TAS2R1: variants seen among roughly 807,000 people sequenced by gnomAD.
TAS2R1 encodes taste receptor type 2 member 1.
For synonymous variants in TAS2R1, 141 were observed against 134.2 expected (o/e 1.05, Z -0.35); for missense variants, 370 against 353.4 (o/e 1.05, Z -0.38).
At chr5:9,717,130 T>C (rs138719189), upstream of TAS2R1, among the ~76,000 whole-genome samples, 1,035 of 152,136 alleles carry the variant, frequency 6.8e-3, 10 homozygotes, top group African/African-American at 0.023. Flanking sequence ...AAACTCACCC[T>C]AGAAAGAGGA....
At chr5:9,819,363 C>T in the TAS2R1 span, among the ~76,000 whole-genome samples, 7 of 152,170 alleles carry the variant, frequency 4.6e-5, no homozygotes, top group Admixed American at 1.3e-4. Context: ...CCATTACATG[C>T]GAGCTTAATT....
chr5:9,751,948 G>A, the TAS2R1 span, among the ~76,000 whole-genome samples: 3 of 152,234 alleles, frequency 2.0e-5, no homozygotes, highest in East Asian at 5.8e-4. Flanking sequence ...TAAATACTTG[G>A]TAGCACAATA....
At chr5:9,882,533 C>T in the TAS2R1 span, among the ~76,000 whole-genome samples, 4 of 152,068 alleles carry the variant, frequency 2.6e-5, no homozygotes, top group Non-Finnish European at 5.9e-5. Flanking sequence ...ACCTGAGGCA[C>T]GAGAATTGCT....
the TAS2R1 span, among the ~76,000 whole-genome samples, chr5:9,860,600 G>T: frequency 6.6e-6 from 1 of 152,252 alleles, no homozygotes; most frequent in Admixed American, 6.5e-5. Context: ...GATGTGTGGG[G>T]AAAGAGAGCA....
chr5:9,673,653 A>C (rs917077079), intron 1 of TAS2R1, among the ~76,000 whole-genome samples: 5 of 152,076 alleles, frequency 3.3e-5, no homozygotes, highest in East Asian at 1.9e-4. Flanking sequence ...GAAAAAAAAA[A>C]CAGAATTTAT....
chr5:9,675,382 C>A (rs1740852731), intron 1 of TAS2R1, among the ~76,000 whole-genome samples: 1 of 150,628 alleles, frequency 6.6e-6, no homozygotes, highest in Admixed American at 6.6e-5. Context: ...TAGTACCCTG[C>A]AACTTTACTG....
the TAS2R1 span, among the ~76,000 whole-genome samples, chr5:9,871,891 A>G: frequency 6.6e-6 from 1 of 152,198 alleles, no homozygotes; most frequent in African/African-American, 2.4e-5. Context: ...ACCTATTGCT[A>G]GCAAACACAA....
the TAS2R1 span, among the ~76,000 whole-genome samples, chr5:9,781,980 G>C: frequency 1.3e-5 from 2 of 152,152 alleles, no homozygotes; most frequent in Non-Finnish European, 2.9e-5. Context: ...TGTCTTTCTG[G>C]TTTTTTACAC....
chr5:9,823,019 CAAAAAAAAAA>C, the TAS2R1 span, among the ~76,000 whole-genome samples: 1 of 114,428 alleles, frequency 8.7e-6, no homozygotes, highest in Admixed American at 9.3e-5. Flanking sequence ...TCCTCTCCAC[CAAAAAAAAAA>C]AAAAAAAAAA....
At chr5:9,668,755 A>C (rs1740690214) in intron 1 of TAS2R1, among the ~76,000 whole-genome samples, 1 of 152,170 alleles carries the variant, frequency 6.6e-6, no homozygotes, top group Non-Finnish European at 1.5e-5. Flanking sequence ...AGAGGTCCTT[A>C]AGCAAGTGCT....
At chr5:9,688,155 T>C (rs1158661743) in intron 1 of TAS2R1, among the ~76,000 whole-genome samples, 3 of 152,212 alleles carry the variant, frequency 2.0e-5, no homozygotes, top group Non-Finnish European at 4.4e-5. Context: ...TAACATATAC[T>C]TTGTAAATAG....
chr5:9,650,709 C>T (rs1308920370), intron 2 of TAS2R1, among the ~76,000 whole-genome samples: 1 of 152,142 alleles, frequency 6.6e-6, no homozygotes, highest in Non-Finnish European at 1.5e-5. Context: ...GATTATCACA[C>T]CCCACATCAC....
At chr5:9,657,748 G>A (rs1740443202) in intron 2 of TAS2R1, among the ~76,000 whole-genome samples, 1 of 152,152 alleles carries the variant, frequency 6.6e-6, no homozygotes, top group African/African-American at 2.4e-5. Flanking sequence ...GGGGAGTGGG[G>A]AATGGGGAGT....
At chr5:9,878,107 AT>A in the TAS2R1 span, among the ~76,000 whole-genome samples, 1 of 152,190 alleles carries the variant, frequency 6.6e-6, no homozygotes, top group East Asian at 1.9e-4. Context: ...ACCATGAGTC[AT>A]TTGGGGGCTC....
At chr5:9,745,833 A>G in the TAS2R1 span, among the ~76,000 whole-genome samples, 3 of 152,318 alleles carry the variant, frequency 2.0e-5, no homozygotes, top group African/African-American at 4.8e-5. Context: ...AAGCTAGGCA[A>G]TATCATTCAG....
intron 2 of TAS2R1, among the ~76,000 whole-genome samples, chr5:9,637,662 AT>A (rs1367841337): frequency 6.6e-6 from 1 of 152,094 alleles, no homozygotes; most frequent in Non-Finnish European, 1.5e-5. Context: ...GATTGAATTA[AT>A]TCAAAAACAT....
Position 9,662,640 on chromosome 5 carries a change from C to T in TAS2R1, c.-241-3059G>A, listed in dbSNP as rs145489313. ...AGCACAACATACATGCATGCTCTCACACACACCCATACGTGACATCAATCT... is the reference window on the plus strand; with the variant it reads ...AGCACAACATACATGCATGCTCTCATACACACCCATACGTGACATCAATCT... On this transcript the variant is annotated intron_variant, in intron 1 of 2. Coordinates refer to the TAS2R1 transcript ENST00000506620. Among the ~76,000 whole-genome samples the T allele has an allele frequency of 7.2e-3, 1,103 of 152,296 alleles. 15 individuals are homozygous for T. The highest frequency in any genetic ancestry group is 0.025 in the African/African-American group (1,041 of 41,544).
In TAS2R1 at chr5:9,696,430, C is replaced by T. The variant is rs528802185; in HGVS notation, c.-242+15742G>A. ...CAAAAAAATTAGCCAGGCGTGGTGG[C>T]ACGTGCCTGTAATCTCAGCTACTTG... On this transcript the variant is annotated intron_variant, in intron 1 of 2. Coordinates refer to the TAS2R1 transcript ENST00000506620. Among the ~76,000 whole-genome samples the T allele has an allele frequency of 5.3e-5, 8 of 152,006 alleles. 1 individual carries two copies. The highest frequency in any genetic ancestry group is 1.9e-4 in the African/African-American group (8 of 41,470).
At chr5:9,853,355 T>G in the TAS2R1 span, among the ~76,000 whole-genome samples, 1 of 152,200 alleles carries the variant, frequency 6.6e-6, no homozygotes, top group Non-Finnish European at 1.5e-5. Flanking sequence ...AAAAGTGAGC[T>G]CATGGTTAAA....
Sources: allele counts gnomAD v4.1 joint callset (sites outside exome capture counted in the v4.1 genomes callset), GRCh38; gene constraint gnomAD v4.1.1; transcripts MANE v1.5; gene names NCBI Gene and HGNC (gene_info 2026-07-23, HGNC 2026-07-21).